The following ADIPOR2 variants were observed in gnomAD, a reference collection of about 807,000 sequenced individuals.
The protein encoded by ADIPOR2 is adiponectin receptor protein 2.
In ADIPOR2, 18 loss-of-function variants were observed where a neutral mutation model predicts 40.9. That is an observed-to-expected ratio of 0.44 (90% CI 0.30 to 0.65). The LOEUF is 0.65. Ranked by LOEUF, ADIPOR2 falls within the 30% of genes least tolerant of loss-of-function variation. The pLI is 0.09. For synonymous variants in ADIPOR2, 165 were observed against 166.4 expected (o/e 0.99, Z 0.06); for missense variants, 283 against 479.2 (o/e 0.59, Z 3.82).
At position 1,783,961 on chromosome 12, in the gene ADIPOR2, C is replaced by G; in HGVS notation, c.920C>G (p.Thr307Ser). ...VISEGFLKAA[T>S]IGQIGWLMLM... is the part of the protein sequence containing the mutation. ...TCGGAGGGGTTCCTTAAGGCCGCCACCATAGGGCAGATAGGCTGGTTGATG... is the reference window on the plus strand; with the variant it reads ...TCGGAGGGGTTCCTTAAGGCCGCCAGCATAGGGCAGATAGGCTGGTTGATG... The change falls in exon 7 of 8, where the codon ACC becomes AGC. Residue 307 changes from threonine to serine, a missense_variant. By Grantham distance (58) the Thr-to-Ser change is moderately conservative. This residue lies in a region of ADIPOR2 where 106 missense variants were observed against 149.7 expected (regional missense o/e 0.71). Coordinates refer to ENST00000357103, the MANE Select transcript of ADIPOR2 (RefSeq NM_024551.3). The G allele has an allele frequency of 1.2e-6, 2 of 1,613,842 alleles. No homozygotes were observed. Among genetic ancestry groups the G allele is most frequent in the Non-Finnish European group, 1.7e-6 (2 of 1,179,878 alleles).
intron 2 of ADIPOR2, among the ~76,000 whole-genome samples, chr12:1,765,554 AAAT>A (rs1862358327): frequency 6.6e-6 from 1 of 152,226 alleles, no homozygotes; most frequent in African/African-American, 2.4e-5. Context: ...AGTGTATAAT[AAAT>A]AATAATTGTT....
At chr12:1,696,154 G>C (rs1346918789) in intron 1 of ADIPOR2, 1 of 153,318 alleles carries the variant, frequency 6.5e-6, no homozygotes, top group Non-Finnish European at 1.5e-5. Flanking sequence ...TTCCTCTTGG[G>C]CTTTCCCTGG....
rs1394784838 is a variant in ADIPOR2, at chr12:1,733,660, G to A, written c.-86-20598G>A. On this transcript the variant is annotated intron_variant, in intron 1 of 7. Transcript: ENST00000357103. ...TTAGGGTACATGTGCACAACATGCA[G>A]GTTTGTTACATATGTGTACATGTGC... Among the ~76,000 whole-genome samples the A allele has an allele frequency of 2.0e-5, 3 of 151,938 alleles. No individual in the cohort carries two copies. In the East Asian group the frequency reaches 5.8e-4, roughly 29 times the overall value.
At chr12:1,772,357 CTA>C (rs527286720) in intron 2 of ADIPOR2, among the ~76,000 whole-genome samples, 33 of 152,190 alleles carry the variant, frequency 2.2e-4, no homozygotes, top group African/African-American at 7.5e-4. Flanking sequence ...GTTAGATGAC[CTA>C]TATATAAAGC....
At chr12:1,729,646 G>GC (rs2094715841) in intron 1 of ADIPOR2, among the ~76,000 whole-genome samples, 2 of 118,016 alleles carry the variant, frequency 1.7e-5, no homozygotes, top group Non-Finnish European at 3.4e-5. Context: ...TTTTTTGAGT[G>GC]TTTTTTTTTG....
chr12:1,745,036 C>T (rs150405795), intron 1 of ADIPOR2, among the ~76,000 whole-genome samples: 118 of 152,222 alleles, frequency 7.8e-4, no homozygotes, highest in African/African-American at 2.7e-3. Flanking sequence ...CCAATCAGCA[C>T]TGTTTGGTGG....
At chr12:1,754,125 A>G (rs1282086809) in intron 1 of ADIPOR2, 133 bp from the exon 2 acceptor site, 2 of 396,244 alleles carry the variant, frequency 5.0e-6, no homozygotes. Flanking sequence ...CCTGTCAACA[A>G]ATATAGCTTT....
chr12:1,745,793 A>G (rs2094753744), intron 1 of ADIPOR2, among the ~76,000 whole-genome samples: 1 of 152,170 alleles, frequency 6.6e-6, no homozygotes, highest in African/African-American at 2.4e-5. Flanking sequence ...TTTCAAACCA[A>G]TGTCTTATCC....
intron 1 of ADIPOR2, among the ~76,000 whole-genome samples, chr12:1,731,751 G>A (rs1040920677): frequency 6.6e-6 from 1 of 152,196 alleles, no homozygotes; most frequent in Non-Finnish European, 1.5e-5. Flanking sequence ...CCTGAGGTCA[G>A]GAGTTTGAGA....
intron 1 of ADIPOR2, among the ~76,000 whole-genome samples, chr12:1,717,124 C>G (rs1187792184): frequency 6.6e-6 from 1 of 152,132 alleles, no homozygotes; most frequent in Non-Finnish European, 1.5e-5. Flanking sequence ...GATCATCTGC[C>G]TAGCCTACTG....
rs1030390528 is a variant in ADIPOR2 at position 1,735,312 on chromosome 12, T to A, written c.-86-18946T>A. On this transcript the variant is annotated intron_variant, in intron 1 of 7. Coordinates refer to ENST00000357103, the MANE Select transcript of ADIPOR2 (RefSeq NM_024551.3). The stretch of plus-strand genomic sequence containing the variant: ...GTTCTCCTTGAAGAGGTCCTTCACG[T>A]CCCTTGTAAGTTGGATTCCTAGGTA... Among the ~76,000 whole-genome samples the A allele has an allele frequency of 1.8e-3, 277 of 152,318 alleles. 1 individual carries two copies. The highest frequency in any genetic ancestry group is 3.3e-3 in the Non-Finnish European group (224 of 68,022).
intron 1 of ADIPOR2, among the ~76,000 whole-genome samples, chr12:1,692,717 T>A (rs1378141238): frequency 6.9e-6 from 1 of 144,342 alleles, no homozygotes; most frequent in Non-Finnish European, 1.5e-5. Context: ...TAGTATCAAT[T>A]TAGCTGGTGC....
chr12:1,749,031 C>T (rs1023807648), intron 1 of ADIPOR2, among the ~76,000 whole-genome samples: 2 of 152,180 alleles, frequency 1.3e-5, no homozygotes, highest in Non-Finnish European at 2.9e-5. Context: ...CCCATGGCCC[C>T]CTCTTTGGGT....
chr12:1,752,612 G>C (rs891123897), intron 1 of ADIPOR2, among the ~76,000 whole-genome samples: 1 of 152,142 alleles, frequency 6.6e-6, no homozygotes, highest in African/African-American at 2.4e-5. Flanking sequence ...TAACACAGCT[G>C]CTTCTCTTTG....
At chr12:1,760,124 A>G (rs1314513940) in intron 2 of ADIPOR2, among the ~76,000 whole-genome samples, 1 of 152,056 alleles carries the variant, frequency 6.6e-6, no homozygotes, top group Non-Finnish European at 1.5e-5. Context: ...ACCAGTGCCT[A>G]ATTTTTTTTG....
intron 2 of ADIPOR2, among the ~76,000 whole-genome samples, chr12:1,771,609 A>G (rs904100610): frequency 6.6e-6 from 1 of 152,224 alleles, no homozygotes; most frequent in African/African-American, 2.4e-5. Context: ...GACTGGGTGT[A>G]TAACATGTCT....
intron 1 of ADIPOR2, among the ~76,000 whole-genome samples, chr12:1,709,925 A>G (rs2094672732): frequency 6.6e-6 from 1 of 152,212 alleles, no homozygotes; most frequent in Non-Finnish European, 1.5e-5. Context: ...TTGGCCCAGT[A>G]CAACTCTCTT....
intron 2 of ADIPOR2, among the ~76,000 whole-genome samples, chr12:1,759,789 G>A (rs912984372): frequency 3.9e-5 from 6 of 152,038 alleles, no homozygotes; most frequent in African/African-American, 1.4e-4. Context: ...CACTTTGGGA[G>A]GCCGAGGCAG....
intron 1 of ADIPOR2, among the ~76,000 whole-genome samples, chr12:1,748,451 T>C (rs1293708495): frequency 1.3e-5 from 2 of 152,050 alleles, no homozygotes; most frequent in African/African-American, 4.8e-5. Context: ...GGTTTCACCG[T>C]GTTAGCCAGG....
Sources: gnomAD v4.1 joint callset for allele counts (sites outside exome capture counted in the v4.1 genomes callset) on GRCh38, gnomAD v4.1.1 for gene constraint, gnomAD v4.1.1 regional missense constraint, MANE v1.5 for transcripts, NCBI Gene and HGNC (gene_info 2026-07-23, HGNC 2026-07-21) for gene names.